The following GPR55 variants were observed in gnomAD, a reference collection of about 807,000 sequenced individuals.
GPR55 encodes the protein G-protein coupled receptor 55.
In GPR55, 6 loss-of-function variants were observed where a neutral mutation model predicts 7.9. The ratio of observed to expected loss-of-function variants is 0.76; its 90% confidence interval spans 0.41 to 1.49. GPR55 has a LOEUF of 1.49. GPR55 is among the 40% of genes most tolerant of loss of function. The pLI is 0.01. For synonymous variants in GPR55, 183 were observed against 166.8 expected (o/e 1.10, Z -0.75); for missense variants, 376 against 406.0 (o/e 0.93, Z 0.63).
chr2:230,958,007 A>G, intron 1 of GPR55: 1 of 353,880 alleles, frequency 2.8e-6, no homozygotes, highest in South Asian at 2.7e-5. Flanking sequence ...AACAAAGCTA[A>G]GCTCAACCAC....
In GPR55 at chr2:230,944,616, T is replaced by C. The variant is rs1691283702; in HGVS notation, c.-135+16159A>G. Among the ~76,000 whole-genome samples the C allele has an allele frequency of 6.6e-6, 1 of 152,238 alleles. No individual in the cohort carries two copies. The highest frequency in any genetic ancestry group is 6.5e-5 in the Admixed American group (1 of 15,290). On this transcript the variant is annotated intron_variant, in intron 1 of 1. Transcript: ENST00000392039. The surrounding 1 kb of genome is among the most constrained non-coding windows in gnomAD (Gnocchi z 4.2). ...AGTGACGTCCTACAGCATGATTTGC[T>C]TTAACTGAAGGTGAAGAGAATCTTT...
rs1455708979 is a variant in GPR55 at position 230,910,287 on chromosome 2, A to G, written c.676T>C (p.Tyr226His). The part of the protein sequence containing the change: ...QDWVQQKACI[Y>H]SIAASLAVFV... ...ACAGCCAGGCTGGCTGCGATGCTGT[A>G]GATGCAGGCTTTCTGCTGCACCCAG... is the stretch of plus-strand genomic sequence containing the variant. Residue 226 changes from tyrosine (Y) to histidine (H), a missense_variant, in exon 2 of 2, where the codon TAC becomes CAC. Tyr to His is a moderately conservative substitution (Grantham distance 83). Coordinates refer to ENST00000650999, the MANE Select transcript of GPR55 (RefSeq NM_005683.4). The surrounding 1 kb of genome is among the most constrained non-coding windows in gnomAD (Gnocchi z 5.4). 6.2e-7 allele frequency: 1 copy of G among 1,614,006 alleles called. No individual in the cohort carries two copies. The highest frequency in any genetic ancestry group is 8.5e-7 in the Non-Finnish European group (1 of 1,179,938).
intron 1 of GPR55, among the ~76,000 whole-genome samples, chr2:230,922,195 G>C (rs183867097): frequency 6.6e-6 from 1 of 152,274 alleles, no homozygotes; most frequent in Non-Finnish European, 1.5e-5. Context: ...TTCAATATAA[G>C]GCTGTTTTCC....
intron 1 of GPR55, among the ~76,000 whole-genome samples, chr2:230,960,600 A>G (rs1312880814): frequency 6.6e-6 from 1 of 152,224 alleles, no homozygotes; most frequent in Non-Finnish European, 1.5e-5. Flanking sequence ...AATCACCGTA[A>G]GACAGCTCTC....
upstream of GPR55, among the ~76,000 whole-genome samples, chr2:230,927,035 G>C (rs1690955537): frequency 6.6e-6 from 1 of 152,096 alleles, no homozygotes; most frequent in African/African-American, 2.4e-5. Context: ...CTTTATTGCT[G>C]TTGCAATATT....
chr2:230,910,711 G>C lies in GPR55; in HGVS notation c.252C>G (p.Ser84=). 1 of 1,613,742 alleles carries C rather than the reference G, an allele frequency of 6.2e-7. No individual in the cohort carries two copies. The highest frequency in any genetic ancestry group is 8.5e-7 in the Non-Finnish European group (1 of 1,179,630). ...VLSLPFKMVL[S]QVQSPFPSLC... is the part of the protein sequence containing the mutation. ...GGGACGGGAAGGGGGACTGTACCTGGGACAGGACCATCTTGAATGGGAGGG... is the reference window on the plus strand; with the variant it reads ...GGGACGGGAAGGGGGACTGTACCTGCGACAGGACCATCTTGAATGGGAGGG... Residue 84 remains serine, a synonymous_variant, in exon 2 of 2, where the codon TCC becomes TCG. Transcript: ENST00000650999. The surrounding 1 kb of genome is among the most constrained non-coding windows in gnomAD (Gnocchi z 5.4).
chr2:230,937,247 T>C (rs1691145896), intron 1 of GPR55, among the ~76,000 whole-genome samples: 1 of 151,416 alleles, frequency 6.6e-6, no homozygotes, highest in African/African-American at 2.4e-5. Flanking sequence ...TCTACAAAAT[T>C]TTTTTTAATT....
intron 1 of GPR55, among the ~76,000 whole-genome samples, chr2:230,960,246 CAA>C (rs965840182): frequency 3.4e-4 from 51 of 152,202 alleles, no homozygotes; most frequent in Admixed American, 1.2e-3. Context: ...GAGCTCAAGA[CAA>C]AGAAACATAC....
chr2:230,946,422 G>T (rs1038098157), intron 1 of GPR55, among the ~76,000 whole-genome samples: 1 of 152,188 alleles, frequency 6.6e-6, no homozygotes, highest in Non-Finnish European at 1.5e-5. Flanking sequence ...GTGTTCATTA[G>T]CTTGATTTAA....
chr2:230,947,991 C>G (rs1218464459), intron 1 of GPR55, among the ~76,000 whole-genome samples: 1 of 152,166 alleles, frequency 6.6e-6, no homozygotes, highest in African/African-American at 2.4e-5. Flanking sequence ...GTCAAGCTCC[C>G]CATCAGTGGA....
intron 1 of GPR55, among the ~76,000 whole-genome samples, chr2:230,950,640 TATG>T (rs1232512829): frequency 6.6e-6 from 1 of 152,222 alleles, no homozygotes. Context: ...TGTGTGGTGT[TATG>T]ATAAGTACAC....
chr2:230,954,911 T>G (rs1200152045), intron 1 of GPR55, among the ~76,000 whole-genome samples: 1 of 152,262 alleles, frequency 6.6e-6, no homozygotes, highest in African/African-American at 2.4e-5. Flanking sequence ...TACTGTACTC[T>G]TTCTCCCTGA....
intron 1 of GPR55, among the ~76,000 whole-genome samples, chr2:230,939,933 T>G (rs1691197142): frequency 6.7e-6 from 1 of 150,112 alleles, no homozygotes; most frequent in African/African-American, 2.5e-5. Context: ...GAGACAGGGG[T>G]GTGTTGGCGG....
intron 1 of GPR55, 66 bp from the exon 2 acceptor site, chr2:230,911,162 G>T (rs1469237917): frequency 3.4e-6 from 2 of 587,060 alleles, no homozygotes; most frequent in Non-Finnish European, 6.1e-6. Context: ...GTTACTTTTT[G>T]TGTATATCAT....
At chr2:230,926,682 CTTTTTTTTTTTTTT>C (rs56318183), upstream of GPR55, among the ~76,000 whole-genome samples, 1 of 100,942 alleles carries the variant, frequency 9.9e-6, no homozygotes, top group African/African-American at 4.3e-5. Flanking sequence ...TGGCTACCTT[CTTTTTTTTTTTTTT>C]TTTTTTTTTT....
At position 230,944,227 on chromosome 2, in the gene GPR55, G is replaced by A. The variant is rs1691277894; in HGVS notation, c.-135+16548C>T. Among the ~76,000 whole-genome samples the A allele has an allele frequency of 6.6e-6, 1 of 152,258 alleles. No individual in the cohort carries two copies. Among genetic ancestry groups the A allele is most frequent in the South Asian group, 2.1e-4 (1 of 4,834 alleles). On this transcript the variant is annotated intron_variant, in intron 1 of 1. Transcript: ENST00000392039. This position sits in a 1 kb window ranked among gnomAD's most constrained non-coding sequence, Gnocchi z 4.2. ...ACTGGACATTGGACAGGGCAAAGCT[G>A]TGGTGTGGAAAGGGGCAAATCCACA...
chr2:230,937,716 G>C (rs1408114160), intron 1 of GPR55, among the ~76,000 whole-genome samples: 3 of 152,006 alleles, frequency 2.0e-5, no homozygotes, highest in African/African-American at 7.3e-5. Flanking sequence ...ATAGAAAAAA[G>C]TCTTGCCCTG....
At chr2:230,912,543 C>T (rs1690617606) in intron 1 of GPR55, among the ~76,000 whole-genome samples, 1 of 152,206 alleles carries the variant, frequency 6.6e-6, no homozygotes, top group Non-Finnish European at 1.5e-5. Context: ...GATTCTCCTG[C>T]CTCAGTCTCC....
chr2:230,936,578 G>T (rs541652835), intron 1 of GPR55, among the ~76,000 whole-genome samples: 71 of 152,228 alleles, frequency 4.7e-4, no homozygotes, highest in African/African-American at 1.6e-3. Flanking sequence ...CCCAGTCTTG[G>T]GTATGTGTTT....
Sources: gnomAD v4.1 joint callset for allele counts (sites outside exome capture counted in the v4.1 genomes callset) on GRCh38, gnomAD v4.1.1 for gene constraint, Gnocchi (gnomAD v3.1) non-coding constraint, MANE v1.5 for transcripts, NCBI Gene and HGNC (gene_info 2026-07-23, HGNC 2026-07-21) for gene names.